Variants in NFIB observed in about 807,000 individuals in gnomAD.
NFIB encodes nuclear factor I B.
In NFIB, 11 loss-of-function variants were observed where a neutral mutation model predicts 61.5. The observed-to-expected ratio is 0.18, with a 90% CI of 0.11 to 0.30. The LOEUF is 0.30. Ranked by LOEUF, NFIB falls within the 10% of genes least tolerant of loss-of-function variation. The pLI is 1.00. For synonymous variants in NFIB, 260 were observed against 216.5 expected (o/e 1.20, Z -1.76); for missense variants, 471 against 608.9 (o/e 0.77, Z 2.38).
chr9:14,342,357 G>A (rs1257822977), intron 1 of NFIB, among the ~76,000 whole-genome samples: 1 of 152,072 alleles, frequency 6.6e-6, no homozygotes, highest in Non-Finnish European at 1.5e-5. Context: ...CTGAAAACTG[G>A]GGCAAGTGGC....
chr9:14,255,818 T>C (rs190595715), intron 2 of NFIB, among the ~76,000 whole-genome samples: 29 of 152,326 alleles, frequency 1.9e-4, no homozygotes, highest in African/African-American at 6.7e-4. Flanking sequence ...ATAAGAGAAA[T>C]GATCAAATAG....
upstream of NFIB, among the ~76,000 whole-genome samples, chr9:14,403,234 T>C (rs1319423857): frequency 6.6e-6 from 1 of 152,214 alleles, no homozygotes. Context: ...AAAAGGGGTC[T>C]GATTCCTCAG....
At chr9:14,173,133 G>GA (rs1172997714) in intron 3 of NFIB, among the ~76,000 whole-genome samples, 1 of 152,128 alleles carries the variant, frequency 6.6e-6, no homozygotes, top group Admixed American at 6.5e-5. Flanking sequence ...AAAGTAGAAT[G>GA]AAAAAACCCC....
chr9:14,393,395 C>T (rs868158275), intron 1 of NFIB, among the ~76,000 whole-genome samples: 1 of 152,182 alleles, frequency 6.6e-6, no homozygotes, highest in Non-Finnish European at 1.5e-5. Flanking sequence ...GCCTCTTTGA[C>T]CCTGCCCCCA....
the NFIB span, among the ~76,000 whole-genome samples, chr9:14,425,964 A>G: frequency 6.6e-6 from 1 of 152,140 alleles, no homozygotes; most frequent in Non-Finnish European, 1.5e-5. Flanking sequence ...GGAGAGTTTG[A>G]TGACAGCTAC....
chr9:14,337,849 G>A (rs2060902663), intron 1 of NFIB, among the ~76,000 whole-genome samples: 1 of 152,180 alleles, frequency 6.6e-6, no homozygotes, highest in East Asian at 1.9e-4. Flanking sequence ...ATTCCCTCAA[G>A]GTCAAATCCA....
In NFIB at chr9:14,150,207, T is replaced by C. The variant is rs149133440; in HGVS notation, c.744A>G (p.Pro248=). 7.1e-5 allele frequency: 115 copies of C among 1,613,540 alleles called. 1 individual carries two copies. The African/African-American group carries it at 1.5e-3, about 20-fold the overall frequency. ...CCCCCGAGTTCATGTCATGATAGTA[T>C]GGTTGGCTTGGGATTTCTCCAATTG... is the stretch of plus-strand genomic sequence containing the variant. The part of the protein sequence containing the change: ...NFPIGEIPSQ[P]YYHDMNSGVN... Residue 248 remains proline (P), a synonymous_variant, in exon 5 of 11, where the codon CCA becomes CCG. Coordinates refer to ENST00000380953, the MANE Select transcript of NFIB (RefSeq NM_001190737.2).
At chr9:14,249,228 GATA>G (rs1415770708) in intron 2 of NFIB, among the ~76,000 whole-genome samples, 1 of 151,836 alleles carries the variant, frequency 6.6e-6, no homozygotes, top group African/African-American at 2.4e-5. Context: ...GATGGGGGTA[GATA>G]TTATTATCTC....
intron 2 of NFIB, among the ~76,000 whole-genome samples, chr9:14,295,133 T>C (rs2059348371): frequency 6.6e-6 from 1 of 152,238 alleles, no homozygotes; most frequent in Admixed American, 6.5e-5. Context: ...CATTTAATTA[T>C]TTAATTTTCT....
At chr9:14,256,891 G>T (rs1037412106) in intron 2 of NFIB, among the ~76,000 whole-genome samples, 7 of 152,166 alleles carry the variant, frequency 4.6e-5, no homozygotes, top group African/African-American at 1.7e-4. Context: ...GAGCTTCCAT[G>T]GCCTAGTTTG....
At chr9:14,249,237 A>G (rs2055295115) in intron 2 of NFIB, among the ~76,000 whole-genome samples, 1 of 152,040 alleles carries the variant, frequency 6.6e-6, no homozygotes, top group Non-Finnish European at 1.5e-5. Context: ...AGATATTATT[A>G]TCTCTGCTTT....
At chr9:14,200,737 G>A (rs1414894301) in intron 2 of NFIB, among the ~76,000 whole-genome samples, 3 of 152,042 alleles carry the variant, frequency 2.0e-5, no homozygotes, top group African/African-American at 2.4e-5. Flanking sequence ...TCCCAAAGAC[G>A]ATCCATCCAA....
At chr9:14,360,519 ATAT>A (rs2132943179) in intron 1 of NFIB, among the ~76,000 whole-genome samples, 1 of 152,028 alleles carries the variant, frequency 6.6e-6, no homozygotes, top group East Asian at 1.9e-4. Context: ...GGGTGGAAAA[ATAT>A]TATTATGGTG....
At chr9:14,140,231 T>A (rs1342632158) in intron 6 of NFIB, among the ~76,000 whole-genome samples, 1 of 152,214 alleles carries the variant, frequency 6.6e-6, no homozygotes, top group Non-Finnish European at 1.5e-5. Flanking sequence ...CACTGCCATT[T>A]TCTAGGACTT....
At chr9:14,098,809 G>A (rs2035283499) in intron 10 of NFIB, among the ~76,000 whole-genome samples, 2 of 152,138 alleles carry the variant, frequency 1.3e-5, no homozygotes, top group Non-Finnish European at 2.9e-5. Flanking sequence ...ACATGTGTGT[G>A]CACACACACA....
chr9:14,500,391 T>C, the NFIB span, among the ~76,000 whole-genome samples: 345 of 152,174 alleles, frequency 2.3e-3, 1 homozygote, highest in Middle Eastern at 0.024. Flanking sequence ...ATTATATATG[T>C]AAAACAATTA....
the NFIB span, among the ~76,000 whole-genome samples, chr9:14,499,429 T>G: frequency 1.5e-3 from 230 of 152,192 alleles, no homozygotes; most frequent in Middle Eastern, 3.4e-3. Flanking sequence ...ACAGGTCTCC[T>G]TACTTGAATG....
intron 1 of NFIB, among the ~76,000 whole-genome samples, chr9:14,371,272 G>T (rs1006803083): frequency 6.6e-6 from 1 of 152,156 alleles, no homozygotes; most frequent in East Asian, 1.9e-4. Context: ...TGGACATGAG[G>T]TTTTACTTTT....
Position 14,294,590 on chromosome 9 carries a change from A to G in NFIB, c.562+12399T>C, listed in dbSNP as rs78262583. On this transcript the variant is annotated intron_variant, in intron 2 of 10. Coordinates refer to ENST00000380953, the MANE Select transcript of NFIB (RefSeq NM_001190737.2). ...GCTACTAAACACCAGTGTGTTATCA[A>G]AAAGAAAAGGAATGCCACAGATTAT... 8.7e-3 allele frequency among the ~76,000 whole-genome samples: 1,326 copies of G among 152,290 alleles called. 16 individuals are homozygous for G. Among genetic ancestry groups the G allele is most frequent in the East Asian group, 0.07 (363 of 5,180 alleles).
Sources: gnomAD v4.1 joint callset for allele counts (sites outside exome capture counted in the v4.1 genomes callset) on GRCh38, gnomAD v4.1.1 for gene constraint, MANE v1.5 for transcripts, NCBI Gene and HGNC (gene_info 2026-07-23, HGNC 2026-07-21) for gene names.